DOP1B: variants seen among roughly 807,000 people sequenced by gnomAD.
The protein encoded by DOP1B is DOP1 leucine zipper like protein B, also known as protein DOP1B.
A neutral mutation model predicts 233.5 loss-of-function variants in DOP1B; 174 were observed. That is an observed-to-expected ratio of 0.75 (90% CI 0.66 to 0.85). The LOEUF is 0.85. Ranked by LOEUF, DOP1B falls within the 40% of genes least tolerant of loss-of-function variation. The pLI is 0.00. For missense variants in DOP1B, 2,652 were observed against 2,846.6 expected (o/e 0.93, Z 1.56); for synonymous variants, 1,190 against 1,185.6 (o/e 1.00, Z -0.08).
At chr21:36,211,028 G>T (rs542483695) in intron 5 of DOP1B, among the ~76,000 whole-genome samples, 111 of 152,214 alleles carry the variant, frequency 7.3e-4, no homozygotes, top group Non-Finnish European at 1.4e-3. Flanking sequence ...GCCCTTCTTC[G>T]AGGTCTCAGT....
At chr21:36,217,090 AAAAAG>A (rs921768614) in intron 9 of DOP1B, among the ~76,000 whole-genome samples, 2 of 151,404 alleles carry the variant, frequency 1.3e-5, no homozygotes, top group Non-Finnish European at 2.9e-5. Context: ...AAAAAAAAAA[AAAAAG>A]AGAGCTGAGG....
intron 20 of DOP1B, 68 bp from the exon 21 acceptor site, chr21:36,248,312 C>T: frequency 6.5e-7 from 1 of 1,549,304 alleles, no homozygotes; most frequent in Non-Finnish European, 8.8e-7. Context: ...GCTAGCACTG[C>T]TGCCCTCGTG....
chr21:36,254,137 A>G (rs1280931770), intron 23 of DOP1B, among the ~76,000 whole-genome samples: 1 of 151,940 alleles, frequency 6.6e-6, no homozygotes, highest in African/African-American at 2.4e-5. Flanking sequence ...AGGGGCTCTC[A>G]TTCCTTGTAC....
At position 36,285,466 on chromosome 21, in the gene DOP1B, A is replaced by G. The variant is rs374983744; in HGVS notation, c.6161-2548A>G. ...AAAATAAGCCTTTTGCCCTGTTTTC[A>G]TTTTTGATGAACTGACAGTTTACAG... On this transcript the variant is annotated intron_variant, in intron 32 of 36. Coordinates refer to ENST00000691173, the MANE Select transcript of DOP1B (RefSeq NM_001320714.2). Among the ~76,000 whole-genome samples, 13 of 151,992 alleles carry G rather than the reference A, an allele frequency of 8.6e-5. No individual in the cohort carries two copies. In the East Asian group the frequency reaches 2.5e-3, roughly 29 times the overall value.
intron 26 of DOP1B, among the ~76,000 whole-genome samples, chr21:36,266,339 C>A (rs2067230279): frequency 6.6e-6 from 1 of 152,064 alleles, no homozygotes; most frequent in African/African-American, 2.4e-5. Context: ...ACAATGCCAG[C>A]TAATTTTTGT....
At chr21:36,181,339 C>A (rs1053401729) in intron 2 of DOP1B, among the ~76,000 whole-genome samples, 2 of 151,684 alleles carry the variant, frequency 1.3e-5, no homozygotes, top group African/African-American at 4.8e-5. Context: ...AGTGCAGTGG[C>A]ACGATCTTGG....
intron 2 of DOP1B, among the ~76,000 whole-genome samples, chr21:36,182,344 A>ATG (rs2066109771): frequency 6.6e-6 from 1 of 152,010 alleles, no homozygotes. Context: ...CCAGCAGTAA[A>ATG]TGTTATTGTT....
intron 14 of DOP1B, among the ~76,000 whole-genome samples, chr21:36,232,104 A>G (rs2066773839): frequency 6.6e-6 from 1 of 152,038 alleles, no homozygotes; most frequent in African/African-American, 2.4e-5. Context: ...TAGGCCTCCC[A>G]AAGTGCTGGG....
intron 21 of DOP1B, among the ~76,000 whole-genome samples, chr21:36,250,029 C>A (rs1408287815): frequency 6.6e-6 from 1 of 152,172 alleles, no homozygotes; most frequent in African/African-American, 2.4e-5. Context: ...ATTTCCTCGT[C>A]TGTTAAACCA....
At chr21:36,260,787 T>G in intron 24 of DOP1B, 55 bp downstream of exon 24, 4 of 1,596,802 alleles carry the variant, frequency 2.5e-6, no homozygotes, top group Non-Finnish European at 3.4e-6. Context: ...GCTATTGCAG[T>G]GAGCATGCAT....
rs12053713 is a variant in DOP1B at position 36,204,658 on chromosome 21, A to T, written c.492-4057A>T. 7.9e-4 allele frequency among the ~76,000 whole-genome samples: 91 copies of T among 115,156 alleles called. 3 individuals are homozygous for T. Among genetic ancestry groups the T allele is most frequent in the East Asian group, 1.7e-3 (7 of 4,190 alleles). The allele number at this position is 115,156 out of a possible 152,430, so 75.5% of individuals were successfully genotyped here. On this transcript the variant is annotated intron_variant, in intron 4 of 36. Transcript: ENST00000691173. ...GCCACCCCTTTTGGCTGACATTTCT[A>T]TTTTTTTTTTTTTTTTGAGACAGTC...
chr21:36,287,878 C>G (rs1345583863), intron 32 of DOP1B, 136 bp from the exon 33 acceptor site: 2 of 1,131,772 alleles, frequency 1.8e-6, no homozygotes, highest in Non-Finnish European at 2.5e-6. Context: ...AGCCACCAAG[C>G]CTGGCCTGTA....
At chr21:36,187,987 G>A (rs2066184420) in intron 2 of DOP1B, among the ~76,000 whole-genome samples, 3 of 152,110 alleles carry the variant, frequency 2.0e-5, no homozygotes, top group East Asian at 3.9e-4. Flanking sequence ...AAGCAGCATG[G>A]TAATTTTAAG....
intron 1 of DOP1B, among the ~76,000 whole-genome samples, chr21:36,157,748 T>C (rs2123374134): frequency 6.6e-6 from 1 of 152,338 alleles, no homozygotes; most frequent in Middle Eastern, 3.4e-3. Flanking sequence ...GATGAGTGTT[T>C]CTGTGCTGTG....
intron 21 of DOP1B, among the ~76,000 whole-genome samples, chr21:36,249,662 G>GT: frequency 7.1e-6 from 1 of 140,828 alleles, no homozygotes; most frequent in Non-Finnish European, 1.6e-5. Context: ...TTAGTCTTTG[G>GT]TTTTCAGTGT....
intron 1 of DOP1B, 63 bp from the exon 2 acceptor site, chr21:36,164,645 G>A: frequency 7.5e-7 from 1 of 1,341,748 alleles, no homozygotes; most frequent in Non-Finnish European, 9.9e-7. Context: ...GTAGCTCTGG[G>A]TTGGGAATGA....
At chr21:36,248,355 CT>C (rs2066992743) in intron 20 of DOP1B, 24 bp from the exon 21 acceptor site, 2 of 1,610,122 alleles carry the variant, frequency 1.2e-6, no homozygotes, top group Admixed American at 1.7e-5. Context: ...CACAGCCTGC[CT>C]CATGTATTCA....
chr21:36,292,362 T>A, intron 36 of DOP1B, 129 bp downstream of exon 36: 1 of 685,658 alleles, frequency 1.5e-6, no homozygotes, highest in East Asian at 3.0e-5. Context: ...GTTCAAGTGA[T>A]TCTCCTGCCT....
intron 27 of DOP1B, 95 bp downstream of exon 27, chr21:36,270,252 A>G: frequency 7.0e-7 from 1 of 1,427,460 alleles, no homozygotes; most frequent in Non-Finnish European, 9.5e-7. Flanking sequence ...CCACAAAAAG[A>G]AAGAAAGTAC....
Sources: gnomAD v4.1 joint callset for allele counts (sites outside exome capture counted in the v4.1 genomes callset) on GRCh38, gnomAD v4.1.1 for gene constraint, MANE v1.5 for transcripts, NCBI Gene and HGNC (gene_info 2026-07-23, HGNC 2026-07-21) for gene names.